Variants in FIGN observed in about 807,000 individuals in gnomAD.
FIGN encodes the protein fidgetin, microtubule severing factor, also known as fidgetin.
A neutral mutation model predicts 51.3 loss-of-function variants in FIGN; 11 were observed. The observed-to-expected ratio is 0.21, with a 90% confidence interval of 0.13 to 0.35. The LOEUF is 0.35. FIGN is among the 10% of genes least tolerant of loss of function. FIGN has a pLI of 1.00. For synonymous variants in FIGN, 407 were observed against 363.2 expected (o/e 1.12, Z -1.37); for missense variants, 857 against 943.6 (o/e 0.91, Z 1.20).
intron 2 of FIGN, among the ~76,000 whole-genome samples, chr2:163,657,974 G>A (rs1046899559): frequency 6.6e-6 from 1 of 152,072 alleles, no homozygotes; most frequent in African/African-American, 2.4e-5. Context: ...CTATTCCAGG[G>A]TTTTCCAGAG....
intron 2 of FIGN, among the ~76,000 whole-genome samples, chr2:163,621,313 T>C (rs760447025): frequency 2.0e-5 from 3 of 152,188 alleles, no homozygotes; most frequent in Non-Finnish European, 4.4e-5. Context: ...TAATTTTTAA[T>C]GCAATAGCAA....
chr2:163,661,170 C>T (rs1683672995), intron 2 of FIGN, among the ~76,000 whole-genome samples: 2 of 150,580 alleles, frequency 1.3e-5, no homozygotes, highest in African/African-American at 4.9e-5. Flanking sequence ...AGGCGTGAGC[C>T]ACCGCGCCTG....
In FIGN at chr2:163,703,188, T is replaced by C. The variant is rs907024804; in HGVS notation, c.25+31715A>G. ...TGGAGGGAGAGAGAGGTTAAATACT[T>C]TAATTACTAACTTGCAAAAAGATTT... On this transcript the variant is annotated intron_variant, in intron 2 of 2. Coordinates refer to ENST00000333129, the MANE Select transcript of FIGN (RefSeq NM_018086.4). Among the ~76,000 whole-genome samples the C allele has an allele frequency of 1.2e-4, 19 of 152,174 alleles. 1 individual carries two copies. The South Asian group carries it at 3.9e-3, about 32-fold the overall frequency.
intron 2 of FIGN, among the ~76,000 whole-genome samples, chr2:163,725,563 A>C (rs556464520): frequency 7.9e-5 from 12 of 152,124 alleles, no homozygotes; most frequent in Non-Finnish European, 1.5e-4. Context: ...CTACCATTAC[A>C]TGGTGGTAAA....
At chr2:163,651,864 G>T (rs1490903292) in intron 2 of FIGN, among the ~76,000 whole-genome samples, 2 of 152,170 alleles carry the variant, frequency 1.3e-5, no homozygotes, top group Admixed American at 1.3e-4. Flanking sequence ...GCAGGCTAGG[G>T]TTGCCCAAGA....
intron 2 of FIGN, among the ~76,000 whole-genome samples, chr2:163,653,095 C>G (rs912481666): frequency 2.0e-5 from 3 of 152,122 alleles, no homozygotes; most frequent in African/African-American, 7.2e-5. Flanking sequence ...TAATTCACCT[C>G]TCTGGACCTC....
Position 163,711,224 on chromosome 2 carries a change from C to T in FIGN, c.25+23679G>A, listed in dbSNP as rs1684583678. 4.6e-5 allele frequency among the ~76,000 whole-genome samples: 7 copies of T among 152,072 alleles called. No individual in the cohort carries two copies. The South Asian group carries it at 8.3e-4, about 18-fold the overall frequency. On this transcript the variant is annotated intron_variant, in intron 2 of 2. Transcript: ENST00000333129. ...TTGTGTTTAATACAGTTTCATGTTG[C>T]ATCAAAGTACAAAATCAATACCATT... is the stretch of plus-strand genomic sequence containing the variant.
chr2:163,660,873 A>ATG lies in FIGN; in HGVS notation c.26-49068_26-49067insCA, dbSNP rs1683663742. 1.1e-4 allele frequency among the ~76,000 whole-genome samples: 3 copies of ATG among 26,322 alleles called. 1 individual carries two copies. Among genetic ancestry groups the ATG allele is most frequent in the South Asian group, 3.3e-3 (2 of 604 alleles). 17.3% of individuals were successfully genotyped at this position (26,322 alleles called of 152,430 possible). ...TATATGTATACATATATATATATATATATATATTTTTTTTTTTTTTTTTTT... is the reference window on the plus strand; with the variant it reads ...TATATGTATACATATATATATATATATGTATATATTTTTTTTTTTTTTTTTTT... On this transcript the variant is annotated intron_variant, in intron 2 of 2. Transcript: ENST00000333129.
In FIGN at chr2:163,661,816, C is replaced by T. The variant is rs1027409250; in HGVS notation, c.26-50010G>A. Among the ~76,000 whole-genome samples, 5 of 152,102 alleles carry T rather than the reference C, an allele frequency of 3.3e-5. No homozygotes were observed. The South Asian group carries it at 1.0e-3, about 32-fold the overall frequency. On this transcript the variant is annotated intron_variant, in intron 2 of 2. Coordinates refer to ENST00000333129, the MANE Select transcript of FIGN (RefSeq NM_018086.4). ...TTCCTCATTTTTCTCTTGCTGCCAC[C>T]ATGTAAGAAGTGCCTTTCGCCTCCT...
At chr2:163,677,284 A>G (rs998320735) in intron 2 of FIGN, among the ~76,000 whole-genome samples, 3 of 152,232 alleles carry the variant, frequency 2.0e-5, no homozygotes, top group African/African-American at 7.2e-5. Flanking sequence ...AGACATGCAA[A>G]TAGGTAAACA....
intron 2 of FIGN, among the ~76,000 whole-genome samples, chr2:163,707,147 C>G (rs1392184038): frequency 2.0e-5 from 3 of 151,970 alleles, no homozygotes; most frequent in Non-Finnish European, 1.5e-5. Flanking sequence ...GTCAAAACAA[C>G]ACTCCTCTGG....
At chr2:163,660,681 A>ATATACACATATACATATATATG (rs1559012158) in intron 2 of FIGN, among the ~76,000 whole-genome samples, 19 of 122,900 alleles carry the variant, frequency 1.5e-4, no homozygotes, top group South Asian at 2.4e-4. Flanking sequence ...ATATATATAT[A>ATATACACATATACATATATATG]TATACACATA....
intron 2 of FIGN, among the ~76,000 whole-genome samples, chr2:163,686,126 T>G (rs2105342151): frequency 6.6e-6 from 1 of 152,362 alleles, no homozygotes; most frequent in South Asian, 2.1e-4. Flanking sequence ...TCATAACATT[T>G]TTTTAAATAA....
At chr2:163,690,923 A>T (rs1434835341) in intron 2 of FIGN, among the ~76,000 whole-genome samples, 1 of 152,098 alleles carries the variant, frequency 6.6e-6, no homozygotes, top group Non-Finnish European at 1.5e-5. Flanking sequence ...TTTTTAAACT[A>T]TAGATTTAGT....
intron 2 of FIGN, among the ~76,000 whole-genome samples, chr2:163,669,100 C>T (rs945565211): frequency 6.6e-6 from 1 of 150,626 alleles, no homozygotes; most frequent in African/African-American, 2.5e-5. Flanking sequence ...AATTTGATAA[C>T]TCCTTTTACT....
intron 2 of FIGN, 110 bp downstream of exon 2, chr2:163,734,793 T>C: frequency 1.0e-6 from 1 of 957,662 alleles, no homozygotes; most frequent in Non-Finnish European, 1.5e-6. Flanking sequence ...AAAAAGGAAT[T>C]CTATATCATG....
intron 2 of FIGN, among the ~76,000 whole-genome samples, chr2:163,707,616 T>C (rs1472845135): frequency 6.6e-6 from 1 of 152,162 alleles, no homozygotes; most frequent in Non-Finnish European, 1.5e-5. Flanking sequence ...TATTTAATCA[T>C]TATTGTAAAT....
At chr2:163,688,453 C>T (rs1007266377) in intron 2 of FIGN, among the ~76,000 whole-genome samples, 1 of 152,184 alleles carries the variant, frequency 6.6e-6, no homozygotes, top group Admixed American at 6.5e-5. Flanking sequence ...ATAAAATGAT[C>T]CTTAATATTG....
intron 2 of FIGN, among the ~76,000 whole-genome samples, chr2:163,650,286 C>T (rs1284341033): frequency 6.6e-6 from 1 of 151,604 alleles, no homozygotes; most frequent in Non-Finnish European, 1.5e-5. Context: ...ATTCAATGAT[C>T]CCAAATGCTA....
Sources: allele counts gnomAD v4.1 joint callset (sites outside exome capture counted in the v4.1 genomes callset), GRCh38; gene constraint gnomAD v4.1.1; transcripts MANE v1.5; gene names NCBI Gene and HGNC (gene_info 2026-07-23, HGNC 2026-07-21).